The following TSHZ2 variants were observed in gnomAD, a reference collection of about 807,000 sequenced individuals.
TSHZ2 encodes teashirt homolog 2.
TSHZ2 carries 21 observed loss-of-function variants against 74.4 expected under a neutral mutation model. The ratio of observed to expected loss-of-function variants is 0.28; its 90% CI spans 0.20 to 0.41. The LOEUF is 0.41. Among genes scored for constraint, TSHZ2 ranks in the 10% least tolerant of loss-of-function variants. TSHZ2 has a pLI of 1.00. For synonymous variants in TSHZ2, 540 were observed against 515.3 expected, an observed-to-expected ratio of 1.05 and a Z score of -0.65; for missense variants, 1,244 against 1,293.5, an observed-to-expected ratio of 0.96 and a Z score of 0.59.
At chr20:53,103,314 T>A (rs1244859050) in intron 1 of TSHZ2, among the ~76,000 whole-genome samples, 3 of 152,196 alleles carry the variant, frequency 2.0e-5, no homozygotes. Flanking sequence ...ATTTCTCAAA[T>A]GCTCAGCAGA....
chr20:53,257,984 A>G (rs1173615519), intron 2 of TSHZ2, among the ~76,000 whole-genome samples: 1 of 151,818 alleles, frequency 6.6e-6, no homozygotes, highest in Non-Finnish European at 1.5e-5. Flanking sequence ...GCCTCACATC[A>G]GACAGAGGGG....
intron 1 of TSHZ2, among the ~76,000 whole-genome samples, chr20:53,025,630 C>T (rs1983411243): frequency 6.6e-6 from 1 of 152,174 alleles, no homozygotes; most frequent in Admixed American, 6.5e-5. Context: ...CAAGTCAGGA[C>T]ACCAGTGTCA....
intron 2 of TSHZ2, among the ~76,000 whole-genome samples, chr20:53,420,151 AAT>A (rs1568909542): frequency 6.6e-6 from 1 of 152,244 alleles, no homozygotes; most frequent in South Asian, 2.1e-4. Flanking sequence ...TAAAATAGAT[AAT>A]ATGTTTAGAA....
Position 53,026,352 on chromosome 20 carries a change from CT to C in TSHZ2, c.40+53033del, listed in dbSNP as rs113816786. Among the ~76,000 whole-genome samples the C allele has an allele frequency of 3.0e-3, 427 of 143,622 alleles. 1 individual carries two copies. The highest frequency in any genetic ancestry group is 7.3e-3 in the Middle Eastern group (2 of 274). 94.2% of individuals were successfully genotyped at this position (143,622 alleles called of 152,430 possible). On this transcript the variant is annotated intron_variant, in intron 1 of 2. Coordinates refer to ENST00000371497, the MANE Select transcript of TSHZ2 (RefSeq NM_173485.6). ...GGATACCAAGGCATCCTCTCATATT[CT>C]TTTTTTTTTTTTTCTCTGAGACAAG...
intron 1 of TSHZ2, among the ~76,000 whole-genome samples, chr20:53,123,712 C>T (rs1184582561): frequency 6.6e-6 from 1 of 152,100 alleles, no homozygotes; most frequent in African/African-American, 2.4e-5. Flanking sequence ...AGCTAGAGAA[C>T]TGAAGTACTG....
chr20:53,396,810 T>C (rs1029166202), intron 2 of TSHZ2, among the ~76,000 whole-genome samples: 1 of 145,386 alleles, frequency 6.9e-6, no homozygotes, highest in African/African-American at 2.6e-5. Context: ...ATGGCGCCAC[T>C]GCACTCCATC....
chr20:53,315,301 AAAG>A (rs1385793751), intron 2 of TSHZ2, among the ~76,000 whole-genome samples: 6 of 152,276 alleles, frequency 3.9e-5, no homozygotes, highest in Non-Finnish European at 8.8e-5. Context: ...TTCCTCTGGG[AAAG>A]GAATAAAAAG....
chr20:53,207,910 G>A (rs1205203036), intron 1 of TSHZ2, among the ~76,000 whole-genome samples: 1 of 136,936 alleles, frequency 7.3e-6, no homozygotes, highest in Non-Finnish European at 1.5e-5. Context: ...ATGTTGTCCA[G>A]GCTGGTCTCA....
chr20:53,487,103 G>A (rs1600675904), intron 2 of TSHZ2, 41 bp from the exon 3 acceptor site: 1 of 153,016 alleles, frequency 6.5e-6, no homozygotes, highest in African/African-American at 2.4e-5. Flanking sequence ...CTACACCTCA[G>A]AAAATAATGC....
chr20:53,037,768 G>A (rs1228623366), intron 1 of TSHZ2, among the ~76,000 whole-genome samples: 3 of 152,210 alleles, frequency 2.0e-5, no homozygotes, highest in Non-Finnish European at 4.4e-5. Flanking sequence ...TGTTTCGGCA[G>A]TGCCTGGGTG....
At chr20:53,190,337 T>C (rs1416283231) in intron 1 of TSHZ2, among the ~76,000 whole-genome samples, 5 of 151,460 alleles carry the variant, frequency 3.3e-5, no homozygotes, top group African/African-American at 1.2e-4. Context: ...ATGTCCCACT[T>C]GAACCACACA....
chr20:53,469,049 A>T (rs887230493), intron 2 of TSHZ2, among the ~76,000 whole-genome samples: 1 of 63,090 alleles, frequency 1.6e-5, no homozygotes, highest in African/African-American at 9.1e-5. Flanking sequence ...GATATTTTAT[A>T]TATATATATA....
At chr20:53,359,125 C>A (rs1439394655) in intron 2 of TSHZ2, among the ~76,000 whole-genome samples, 1 of 152,126 alleles carries the variant, frequency 6.6e-6, no homozygotes, top group Non-Finnish European at 1.5e-5. Context: ...CTACTCTAAT[C>A]CAGTTGTTTT....
intron 2 of TSHZ2, among the ~76,000 whole-genome samples, chr20:53,330,748 TTG>T (rs1253268413): frequency 2.6e-5 from 4 of 152,328 alleles, no homozygotes; most frequent in Admixed American, 2.6e-4. Flanking sequence ...TGACAGAGCT[TTG>T]ATAAGGTCCA....
At chr20:53,090,350 CTTCAA>C (rs986208393) in intron 1 of TSHZ2, among the ~76,000 whole-genome samples, 10 of 152,280 alleles carry the variant, frequency 6.6e-5, no homozygotes, top group African/African-American at 2.2e-4. Context: ...ACTTGGCGTC[CTTCAA>C]TTCAATCAAA....
intron 1 of TSHZ2, among the ~76,000 whole-genome samples, chr20:53,236,058 G>T (rs545161754): frequency 2.0e-5 from 3 of 152,304 alleles, no homozygotes; most frequent in Non-Finnish European, 4.4e-5. Flanking sequence ...ATCCAGCAAA[G>T]AAAGCAGTCA....
Position 53,192,094 on chromosome 20 carries a change from T to A in TSHZ2, c.41-61405T>A, listed in dbSNP as rs144444434. ...TGTGCAAAACAATCTTACAAGGAGA[T>A]AATATTATTAACTTGGTTTTATGAA... On this transcript the variant is annotated intron_variant, in intron 1 of 2. Transcript: ENST00000371497. Among the ~76,000 whole-genome samples, 49 of 152,296 alleles carry A rather than the reference T, an allele frequency of 3.2e-4. No homozygotes were observed. In the East Asian group the frequency reaches 8.5e-3, roughly 26 times the overall value.
At chr20:53,459,830 T>C (rs1282917819) in intron 2 of TSHZ2, among the ~76,000 whole-genome samples, 1 of 150,972 alleles carries the variant, frequency 6.6e-6, no homozygotes, top group Non-Finnish European at 1.5e-5. Flanking sequence ...TTAGTTTGGC[T>C]GGATATGAAA....
At position 53,089,319 on chromosome 20, in the gene TSHZ2, TC is replaced by T. The variant is rs1348326412; in HGVS notation, c.40+115987del. On this transcript the variant is annotated intron_variant, in intron 1 of 2. Coordinates refer to ENST00000371497, the MANE Select transcript of TSHZ2 (RefSeq NM_173485.6). ...AGTGACAGGTACAGGAATGGGATTT[TC>T]TTTTTTTTTTTTTTTTTTTTTATTA... is the stretch of plus-strand genomic sequence containing the variant. Among the ~76,000 whole-genome samples, 474 of 102,812 alleles carry T rather than the reference TC, an allele frequency of 4.6e-3. 2 individuals carry two copies. The highest frequency in any genetic ancestry group is 0.019 in the African/African-American group (441 of 23,788). 67.4% of individuals were successfully genotyped at this position (102,812 alleles called of 152,430 possible). A position where few individuals can be genotyped will look rare whatever the true frequency, so the allele number is the denominator to read the frequency against.
Sources: gnomAD v4.1 joint callset for allele counts (sites outside exome capture counted in the v4.1 genomes callset) on GRCh38, gnomAD v4.1.1 for gene constraint, MANE v1.5 for transcripts, NCBI Gene and HGNC (gene_info 2026-07-23, HGNC 2026-07-21) for gene names.